Variants in SMOC1 observed in about 807,000 individuals in gnomAD.
The protein encoded by SMOC1 is SPARC-related modular calcium-binding protein 1.
Under a neutral mutation model 56.3 loss-of-function variants are expected in SMOC1, and 22 were observed. That is an observed-to-expected ratio of 0.39 (90% CI 0.28 to 0.56). The LOEUF is 0.56. Among genes scored for constraint, SMOC1 ranks in the 20% least tolerant of loss-of-function variants. The pLI is 0.61. For missense variants in SMOC1, 509 were observed against 565.4 expected (o/e 0.90, Z 1.01); for synonymous variants, 193 against 215.0 (o/e 0.90, Z 0.89).
intron 1 of SMOC1, chr14:69,885,629 G>A: frequency 6.8e-7 from 1 of 1,476,064 alleles, no homozygotes. Context: ...ACATAGGGCA[G>A]GCAAGAAGAC....
At chr14:69,921,255 C>G (rs1884834251) in intron 1 of SMOC1, among the ~76,000 whole-genome samples, 1 of 152,164 alleles carries the variant, frequency 6.6e-6, no homozygotes, top group African/African-American at 2.4e-5. Context: ...GTCATTACAT[C>G]ATGGGCAAGA....
intron 7 of SMOC1, among the ~76,000 whole-genome samples, chr14:70,005,702 G>C (rs577141053): frequency 6.6e-6 from 1 of 152,330 alleles, no homozygotes; most frequent in African/African-American, 2.4e-5. Flanking sequence ...TCATTGCCAA[G>C]TGCGGAATGA....
chr14:69,990,020 C>T lies in SMOC1; in HGVS notation c.527-2397C>T, dbSNP rs549646089. On this transcript the variant is annotated intron_variant, in intron 5 of 11. Coordinates refer to ENST00000361956, the MANE Select transcript of SMOC1 (RefSeq NM_001034852.3). The stretch of plus-strand genomic sequence containing the variant: ...TAAAGATTTCCATTTAGGACCTCCC[C>T]GTGGCAGAGCAGCTGTATCTCTTCA... 8.9e-4 allele frequency among the ~76,000 whole-genome samples: 136 copies of T among 152,304 alleles called. 1 individual carries two copies. Among genetic ancestry groups the T allele is most frequent in the Non-Finnish European group, 2.4e-4 (16 of 68,030 alleles).
intron 7 of SMOC1, among the ~76,000 whole-genome samples, chr14:70,001,457 A>G (rs1435309605): frequency 2.0e-5 from 3 of 152,154 alleles, no homozygotes; most frequent in African/African-American, 4.8e-5. Context: ...TATCACTGAC[A>G]TTGTTTTGAA....
chr14:69,892,087 C>A (rs141902005), intron 1 of SMOC1, among the ~76,000 whole-genome samples: 2 of 152,110 alleles, frequency 1.3e-5, no homozygotes, highest in Admixed American at 1.3e-4. Context: ...TATGAAAGGA[C>A]GAGGGTTTCA....
At chr14:69,934,505 G>A (rs145314797) in intron 1 of SMOC1, among the ~76,000 whole-genome samples, 67 of 152,340 alleles carry the variant, frequency 4.4e-4, no homozygotes, top group African/African-American at 1.5e-3. Flanking sequence ...GATGGGGCAG[G>A]AAGGATGGGG....
At chr14:69,881,849 G>C (rs372806991) in intron 1 of SMOC1, among the ~76,000 whole-genome samples, 1 of 152,178 alleles carries the variant, frequency 6.6e-6, no homozygotes, top group Admixed American at 6.5e-5. Context: ...ACGAGAACAA[G>C]AAGTTGGGTC....
intron 3 of SMOC1, among the ~76,000 whole-genome samples, chr14:69,957,364 G>A (rs117146524): frequency 3.9e-5 from 6 of 152,254 alleles, no homozygotes; most frequent in East Asian, 1.9e-4. Context: ...TTATTAATAC[G>A]CTTATGTATA....
intron 1 of SMOC1, among the ~76,000 whole-genome samples, chr14:69,948,568 G>A (rs752624008): frequency 6.6e-6 from 1 of 152,126 alleles, no homozygotes; most frequent in Non-Finnish European, 1.5e-5. Flanking sequence ...TTGGCCTGTA[G>A]TTCAACTTCA....
chr14:69,966,573 C>T (rs1361604581), intron 3 of SMOC1, among the ~76,000 whole-genome samples: 1 of 152,184 alleles, frequency 6.6e-6, no homozygotes, highest in African/African-American at 2.4e-5. Flanking sequence ...TTATCTTCTT[C>T]CTCTACCTAC....
chr14:69,880,582 C>A (rs1265641771), intron 1 of SMOC1, among the ~76,000 whole-genome samples: 2 of 151,922 alleles, frequency 1.3e-5, no homozygotes, highest in Non-Finnish European at 2.9e-5. Context: ...CAACACCCCC[C>A]ACCAATTGGT....
intron 1 of SMOC1, 51 bp from the exon 2 acceptor site, chr14:69,952,087 A>G: frequency 6.2e-7 from 1 of 1,602,012 alleles, no homozygotes; most frequent in Non-Finnish European, 8.6e-7. Context: ...ACTCGCCCCT[A>G]CTTTTCTTGC....
chr14:69,980,056 G>T (rs764998396), intron 5 of SMOC1, among the ~76,000 whole-genome samples: 3 of 151,718 alleles, frequency 2.0e-5, no homozygotes, highest in Non-Finnish European at 4.4e-5. Flanking sequence ...CACTGGTCCA[G>T]CTGGAAGTGG....
intron 5 of SMOC1, among the ~76,000 whole-genome samples, chr14:69,983,105 A>G (rs1288649911): frequency 1.3e-5 from 2 of 152,072 alleles, no homozygotes; most frequent in East Asian, 3.9e-4. Flanking sequence ...CAGCTACTCA[A>G]CCGCCTCCAT....
At chr14:69,951,977 G>T (rs1406936964) in intron 1 of SMOC1, among the ~76,000 whole-genome samples, 161 bp from the exon 2 acceptor site, 5 of 152,200 alleles carry the variant, frequency 3.3e-5, no homozygotes, top group Non-Finnish European at 5.9e-5. Context: ...GCCTTCCTTG[G>T]TTAGACTTTG....
At chr14:69,880,268 G>T (rs919673931) in intron 1 of SMOC1, among the ~76,000 whole-genome samples, 3 of 152,102 alleles carry the variant, frequency 2.0e-5, no homozygotes, top group Non-Finnish European at 2.9e-5. Flanking sequence ...TTTAAAAAGC[G>T]ATCACTGCTC....
chr14:69,891,895 A>T (rs1883972106), intron 1 of SMOC1, among the ~76,000 whole-genome samples: 1 of 152,228 alleles, frequency 6.6e-6, no homozygotes, highest in Admixed American at 6.5e-5. Flanking sequence ...TCTGAAATTG[A>T]AATTGAACTG....
In SMOC1 at chr14:69,914,969, T is replaced by TA. The variant is rs1884648344; in HGVS notation, c.99+35192_99+35193insA. ...GCAACCTCCGCCTCCTGGGTTCAAG[T>TA]GATTCTCCTGCTTCAGCCTCCCAGG... On this transcript the variant is annotated intron_variant, in intron 1 of 11. Transcript: ENST00000361956. 2.0e-5 allele frequency among the ~76,000 whole-genome samples: 3 copies of TA among 152,214 alleles called. No homozygotes were observed. The South Asian group carries it at 6.2e-4, about 32-fold the overall frequency.
chr14:70,021,288 T>A (rs72728002), intron 10 of SMOC1, among the ~76,000 whole-genome samples: 2 of 152,002 alleles, frequency 1.3e-5, no homozygotes, highest in Non-Finnish European at 2.9e-5. Flanking sequence ...CCTGCACCAA[T>A]AGAATTCCAA....
Sources: allele counts gnomAD v4.1 joint callset (sites outside exome capture counted in the v4.1 genomes callset), GRCh38; gene constraint gnomAD v4.1.1; transcripts MANE v1.5; gene names NCBI Gene and HGNC (gene_info 2026-07-23, HGNC 2026-07-21).